TMTC3: variants seen among roughly 807,000 people sequenced by gnomAD.
TMTC3 encodes transmembrane O-mannosyltransferase targeting cadherins 3, also known as protein O-mannosyl-transferase TMTC3.
In TMTC3, 52 loss-of-function variants were observed where a neutral mutation model predicts 92.2. The observed-to-expected ratio is 0.56, with a 90% CI of 0.45 to 0.71. The LOEUF (loss-of-function observed/expected upper bound fraction) is 0.71. TMTC3 is among the 30% of genes least tolerant of loss of function. The pLI is 0.00. For synonymous variants in TMTC3, 339 were observed against 363.3 expected, an observed-to-expected ratio of 0.93 and a Z score of 0.76; for missense variants, 896 against 1,057.1, an observed-to-expected ratio of 0.85 and a Z score of 2.11.
At chr12:88,180,075 A>G (rs773997209) in intron 10 of TMTC3, among the ~76,000 whole-genome samples, 11 of 152,154 alleles carry the variant, frequency 7.2e-5, no homozygotes, top group Non-Finnish European at 1.5e-4. Context: ...CCGAACTCCT[A>G]CATCTCACCC....
At chr12:88,153,593 GAA>G in intron 3 of TMTC3, 84 bp downstream of exon 3, 2 of 556,170 alleles carry the variant, frequency 3.6e-6, no homozygotes, top group Non-Finnish European at 5.5e-6. Flanking sequence ...ATATTTTTAA[GAA>G]AAAAAAAAAT....
In TMTC3 at chr12:88,188,880, TA is replaced by T; in HGVS notation, c.1475del (p.Asn492IlefsTer2). Reference sequence around the variant, plus strand: ...CCCATATGAATGTAGGAAGAACTTATAAAAATTTAAATAGAACCAAAGAAGC... The same window carrying T: ...CCCATATGAATGTAGGAAGAACTTATAAAATTTAAATAGAACCAAAGAAGC... ...GAHMNVGRTY[K>X]NLNRTKEAEE... is the part of the protein sequence containing the mutation. On this transcript the variant is annotated frameshift_variant, in exon 11 of 14. Transcript: ENST00000266712. LOFTEE classifies it high-confidence loss of function. 1 of 1,595,446 alleles carries T rather than the reference TA, an allele frequency of 6.3e-7. No individual in the cohort carries two copies. Among genetic ancestry groups the T allele is most frequent in the Non-Finnish European group, 8.5e-7 (1 of 1,172,562 alleles).
At chr12:88,165,715 A>G (rs1390250488) in intron 6 of TMTC3, among the ~76,000 whole-genome samples, 2 of 152,116 alleles carry the variant, frequency 1.3e-5, no homozygotes, top group Non-Finnish European at 2.9e-5. Flanking sequence ...CTAAGAGAGA[A>G]AGTAGAACAC....
chr12:88,176,110 G>C, intron 9 of TMTC3, 98 bp from the exon 10 acceptor site: 1 of 790,924 alleles, frequency 1.3e-6, no homozygotes, highest in Non-Finnish European at 2.0e-6. Context: ...CATTTCCATA[G>C]AACATTATTT....
rs139374194 is a variant in TMTC3 at position 88,166,402 on chromosome 12, T to C, written c.870T>C (p.Asn290=). The C allele has an allele frequency of 2.9e-4, 475 of 1,613,884 alleles. 1 individual carries two copies. Among genetic ancestry groups the C allele is most frequent in the Non-Finnish European group, 3.8e-4 (449 of 1,179,934 alleles). The change falls in exon 7 of 14, where the codon AAT becomes AAC. Residue 290 remains asparagine (N), a synonymous_variant. Coordinates refer to ENST00000266712, the MANE Select transcript of TMTC3 (RefSeq NM_181783.4). ...QLTFNYLLPV[N]AWLLLNPSEL... ...CTTTTAACTACCTCCTTCCTGTGAA[T>C]GCTTGGTTGTTATTAAATCCTTCAG...
At chr12:88,172,543 A>G in intron 7 of TMTC3, 54 bp from the exon 8 acceptor site, 1 of 1,044,644 alleles carries the variant, frequency 9.6e-7, no homozygotes, top group Admixed American at 4.3e-5. Context: ...TTAATTTATT[A>G]TAAATTATTT....
chr12:88,160,674 T>G lies in TMTC3; in HGVS notation c.625-5T>G. Reference sequence around the variant, plus strand: ...GTTGCTTAAAACATTTCTTTTCTTTTTCAGTATACTTTGCCATTACTATGT... The same window carrying G: ...GTTGCTTAAAACATTTCTTTTCTTTGTCAGTATACTTTGCCATTACTATGT... On this transcript the variant is annotated splice_polypyrimidine_tract_variant and splice_region_variant and intron_variant, in intron 5 of 13. Transcript: ENST00000266712. The G allele has an allele frequency of 6.2e-7, 1 of 1,611,202 alleles. No homozygotes were observed. The highest frequency in any genetic ancestry group is 8.5e-7 in the Non-Finnish European group (1 of 1,179,074).
chr12:88,161,619 A>T (rs2956408), intron 6 of TMTC3, among the ~76,000 whole-genome samples: 151,881 of 151,882 alleles, frequency 1, 75,940 homozygotes, highest in Non-Finnish European at 1. Flanking sequence ...GTCTCATCTA[A>T]TCTTTGTTCC....
rs1037808828 is a variant in TMTC3 at position 88,198,178 on chromosome 12, T to C, written c.*2529T>C. ...TTCAAAATAGATATTTCATTCAAAC[T>C]GTTCAGGTGAGAAAACATAATGGAT... On this transcript the variant is annotated 3_prime_UTR_variant, in exon 14 of 14. Coordinates refer to ENST00000266712, the MANE Select transcript of TMTC3 (RefSeq NM_181783.4). 8 of 395,140 alleles carry C rather than the reference T, an allele frequency of 2.0e-5. 1 individual carries two copies. Among genetic ancestry groups the C allele is most frequent in the African/African-American group, 1.2e-4 (6 of 48,546 alleles). 24.5% of individuals were successfully genotyped at this position (395,140 alleles called of 1,614,324 possible). A position where few individuals can be genotyped will look rare whatever the true frequency, so the allele number is the denominator to read the frequency against.
chr12:88,168,704 A>G (rs937328461), intron 7 of TMTC3, among the ~76,000 whole-genome samples: 1 of 152,200 alleles, frequency 6.6e-6, no homozygotes, highest in Non-Finnish European at 1.5e-5. Context: ...ACTTGATACT[A>G]TGGCAACAAA....
chr12:88,163,566 T>TC (rs1358516540), intron 6 of TMTC3, among the ~76,000 whole-genome samples: 1 of 152,182 alleles, frequency 6.6e-6, no homozygotes, highest in Non-Finnish European at 1.5e-5. Flanking sequence ...CTGGAGGCTC[T>TC]AAGGAAGAAT....
chr12:88,184,709 C>G (rs891399104), intron 10 of TMTC3, among the ~76,000 whole-genome samples: 1 of 152,094 alleles, frequency 6.6e-6, no homozygotes, highest in Non-Finnish European at 1.5e-5. Flanking sequence ...CAAATTTCCT[C>G]CCTTCGTGGA....
intron 8 of TMTC3, chr12:88,173,122 C>T: frequency 8.3e-7 from 1 of 1,202,444 alleles, no homozygotes; most frequent in Non-Finnish European, 1.1e-6. Context: ...ATATAAAATG[C>T]ATATAGTAAG....
intron 10 of TMTC3, among the ~76,000 whole-genome samples, chr12:88,181,422 C>T (rs905740124): frequency 1.3e-4 from 19 of 151,914 alleles, no homozygotes; most frequent in Non-Finnish European, 2.5e-4. Context: ...TTTAGCTAGT[C>T]TTTGGGTAGG....
chr12:88,159,337 G>A (rs2041048631), intron 4 of TMTC3, among the ~76,000 whole-genome samples: 4 of 152,164 alleles, frequency 2.6e-5, no homozygotes, highest in Middle Eastern at 3.4e-3. Context: ...TTGAAGAATA[G>A]TATTTATTTA....
intron 10 of TMTC3, among the ~76,000 whole-genome samples, chr12:88,179,473 A>G (rs574101024): frequency 1.4e-4 from 22 of 152,326 alleles, no homozygotes; most frequent in African/African-American, 4.6e-4. Flanking sequence ...TACTGGTTAT[A>G]TAAGACTTAG....
At chr12:88,177,224 G>T (rs902429838) in intron 10 of TMTC3, among the ~76,000 whole-genome samples, 1 of 151,874 alleles carries the variant, frequency 6.6e-6, no homozygotes, top group Non-Finnish European at 1.5e-5. Context: ...TACTTAGGTG[G>T]CTGAGGCACA....
chr12:88,173,073 A>C, intron 8 of TMTC3: 2 of 1,298,416 alleles, frequency 1.5e-6, no homozygotes, highest in Non-Finnish European at 2.0e-6. Flanking sequence ...AACTAAGATA[A>C]TAGTCATCCT....
chr12:88,183,885 C>A (rs1302972915), intron 10 of TMTC3, among the ~76,000 whole-genome samples: 1 of 152,114 alleles, frequency 6.6e-6, no homozygotes, highest in Non-Finnish European at 1.5e-5. Flanking sequence ...AGCTGACAAC[C>A]ACTGTCCCAT....
Sources: gnomAD v4.1 joint callset for allele counts (sites outside exome capture counted in the v4.1 genomes callset) on GRCh38, gnomAD v4.1.1 for gene constraint, MANE v1.5 for transcripts, NCBI Gene and HGNC (gene_info 2026-07-23, HGNC 2026-07-21) for gene names.